FCRL2: variants seen among roughly 807,000 people sequenced by gnomAD.
FCRL2 encodes the protein Fc receptor like 2.
FCRL2 carries 48 observed loss-of-function variants against 59.8 expected under a neutral mutation model. The ratio of observed to expected loss-of-function variants is 0.80; its 90% confidence interval spans 0.64 to 1.02. The LOEUF is 1.02. Ranked by LOEUF, FCRL2 falls within the 50% of genes least tolerant of loss-of-function variation. The probability of loss-of-function intolerance (pLI) is 0.00; values close to 1 mark genes in which losing one functional copy is unlikely to be tolerated. For synonymous variants in FCRL2, 251 were observed against 229.5 expected (o/e 1.09, Z -0.85); for missense variants, 658 against 597.3 (o/e 1.10, Z -1.06).
chr1:157,763,703 G>A (rs1385715414), intron 7 of FCRL2, among the ~76,000 whole-genome samples: 1 of 151,876 alleles, frequency 6.6e-6, no homozygotes, highest in East Asian at 2.0e-4. Context: ...AAAATGAGCA[G>A]TAGCTATACT....
At chr1:157,757,835 G>A (rs919202992) in intron 7 of FCRL2, among the ~76,000 whole-genome samples, 16 of 152,326 alleles carry the variant, frequency 1.1e-4, no homozygotes, top group Admixed American at 3.9e-4. Flanking sequence ...GGTGGCGGAC[G>A]CCTGCAGTCC....
At chr1:157,752,716 T>C (rs1220251503) in intron 7 of FCRL2, among the ~76,000 whole-genome samples, 1 of 152,170 alleles carries the variant, frequency 6.6e-6, no homozygotes, top group Non-Finnish European at 1.5e-5. Flanking sequence ...GGAGTAAACT[T>C]AGCAAGAAAT....
intron 4 of FCRL2, 128 bp downstream of exon 4, chr1:157,769,738 G>C: frequency 8.2e-7 from 1 of 1,226,638 alleles, no homozygotes; most frequent in South Asian, 1.5e-5. Context: ...CAACCTGGAG[G>C]GTTTTTCTAG....
intron 7 of FCRL2, chr1:157,766,521 A>C (rs1429725030): frequency 1.2e-5 from 4 of 322,610 alleles, no homozygotes; most frequent in African/African-American, 8.6e-5. Flanking sequence ...TCCTTACTAC[A>C]TTTTGCTCCG....
At chr1:157,749,723 A>G (rs1365250022) in intron 7 of FCRL2, 46 bp from the exon 8 acceptor site, 2 of 1,527,254 alleles carry the variant, frequency 1.3e-6, no homozygotes, top group African/African-American at 2.7e-5. Flanking sequence ...AGGAAGCTTT[A>G]TCTCTTAAAA....
rs1173379253 is a variant in FCRL2 at position 157,746,274 on chromosome 1, A to C, written c.*462T>G. Reference sequence around the variant, plus strand: ...ATCAGCCTGATACAAACATTCTGGCAGAGACACAGTGGAAAAGAAAATTTC... The same window carrying C: ...ATCAGCCTGATACAAACATTCTGGCCGAGACACAGTGGAAAAGAAAATTTC... On this transcript the variant is annotated 3_prime_UTR_variant, in exon 12 of 12. Coordinates refer to ENST00000361516, the MANE Select transcript of FCRL2 (RefSeq NM_030764.4). 1 of 159,494 alleles carries C rather than the reference A, an allele frequency of 6.3e-6. No homozygotes were observed. The highest frequency in any genetic ancestry group is 1.8e-4 in the East Asian group (1 of 5,582). The allele number at this position is 159,494 out of a possible 1,614,324, so 9.9% of individuals were successfully genotyped here.
At position 157,746,299 on chromosome 1, in the gene FCRL2, C is replaced by T. The variant is rs562955933; in HGVS notation, c.*437G>A. The T allele has an allele frequency of 1.8e-3, 287 of 159,700 alleles. No individual in the cohort carries two copies. The highest frequency in any genetic ancestry group is 3.8e-3 in the South Asian group (20 of 5,264). 9.9% of individuals were successfully genotyped at this position (159,700 alleles called of 1,614,324 possible). ...AGAGACACAGTGGAAAAGAAAATTT[C>T]AGGCCAATATTCCCAATGAACATAT... On this transcript the variant is annotated 3_prime_UTR_variant, in exon 12 of 12. Transcript: ENST00000361516.
chr1:157,749,027 G>A lies in FCRL2; in HGVS notation c.1308-67C>T, dbSNP rs1267687344. On this transcript the variant is annotated intron_variant, in intron 8 of 11. Transcript: ENST00000361516. ...GTGAGTGAGAACAGAGGGGAGACTG[G>A]CTGAGGAGAGAGCAGGTGGAAGCCC... is the stretch of plus-strand genomic sequence containing the variant. The A allele has an allele frequency of 1.7e-5, 24 of 1,384,224 alleles. 1 individual carries two copies. Among genetic ancestry groups the A allele is most frequent in the South Asian group, 9.5e-5 (8 of 84,198 alleles). 85.7% of individuals were successfully genotyped at this position (1,384,224 alleles called of 1,614,324 possible).
rs540726383 is a variant in FCRL2 at position 157,769,674 on chromosome 1, G to A, written c.595+192C>T. 62 of 552,148 alleles carry A rather than the reference G, an allele frequency of 1.1e-4. 1 individual carries two copies. Among genetic ancestry groups the A allele is most frequent in the East Asian group, 2.0e-4 (6 of 30,492 alleles). The allele number at this position is 552,148 out of a possible 1,614,324, so 34.2% of individuals were successfully genotyped here. On this transcript the variant is annotated intron_variant, in intron 4 of 11. Coordinates refer to ENST00000361516, the MANE Select transcript of FCRL2 (RefSeq NM_030764.4). ...TATCTCCTGACCTCATGATCTGCCCGTCTCAGCCTCCCAAAGTGCTGGGAT... is the reference window on the plus strand; with the variant it reads ...TATCTCCTGACCTCATGATCTGCCCATCTCAGCCTCCCAAAGTGCTGGGAT...
rs755659600 is a variant in FCRL2, at chr1:157,770,500, A to C, written c.219T>G (p.Val73=). 24 of 1,614,082 alleles carry C rather than the reference A, an allele frequency of 1.5e-5. No homozygotes were observed. In the South Asian group the frequency reaches 2.6e-4, roughly 18 times the overall value. ...AGAAATAGTTACCACTGTCACTTAA[A>C]ACTGCACTTTGGATAAGGAAATCTG... ...KFSDFLIQSA[V]LSDSGNYFCS... The change falls in exon 3 of 12, where the codon GTT becomes GTG. Residue 73 remains valine (V), a synonymous_variant. Transcript: ENST00000361516.
At position 157,770,486 on chromosome 1, in the gene FCRL2, C is replaced by A. The variant is rs1649917584; in HGVS notation, c.233G>T (p.Gly78Val). Residue 78 changes from glycine (G) to valine (V), a missense_variant, in exon 3 of 12, where the codon GGT becomes GTT. Gly to Val is a moderately radical substitution (Grantham distance 109). Transcript: ENST00000361516. ...TCCTTTGGTACTACAGAAATAGTTA[C>A]CACTGTCACTTAAAACTGCACTTTG... ...LIQSAVLSDS[G>V]NYFCSTKGQL... The A allele has an allele frequency of 8.7e-6, 14 of 1,613,926 alleles. No individual in the cohort carries two copies. The highest frequency in any genetic ancestry group is 1.1e-5 in the South Asian group (1 of 91,080).
intron 8 of FCRL2, 141 bp downstream of exon 8, chr1:157,749,509 G>T: frequency 1.7e-6 from 1 of 581,452 alleles, no homozygotes; most frequent in Non-Finnish European, 3.0e-6. Flanking sequence ...TAATGCAGTA[G>T]AGACAAGAGT....
chr1:157,760,744 AAAGAAAGAAAG>A (rs1649015566), intron 7 of FCRL2, among the ~76,000 whole-genome samples: 1 of 148,918 alleles, frequency 6.7e-6, no homozygotes, highest in African/African-American at 2.5e-5. Flanking sequence ...AGAAAGAAAG[AAAGAAAGAAAG>A]AAGAAAGAAT....
chr1:157,748,206 G>A (rs2101660808), intron 10 of FCRL2, among the ~76,000 whole-genome samples: 1 of 152,104 alleles, frequency 6.6e-6, no homozygotes, highest in East Asian at 1.9e-4. Flanking sequence ...ATCACTTGAG[G>A]TCAAGAGTTT....
chr1:157,775,417 T>A (rs1055266207), intron 2 of FCRL2, among the ~76,000 whole-genome samples: 2 of 152,230 alleles, frequency 1.3e-5, no homozygotes, highest in African/African-American at 4.8e-5. Flanking sequence ...TTTTCAGAGC[T>A]GTAAAAACAT....
chr1:157,754,111 A>G (rs930052139), intron 7 of FCRL2, among the ~76,000 whole-genome samples: 7 of 152,206 alleles, frequency 4.6e-5, no homozygotes, highest in African/African-American at 1.4e-4. Context: ...TCCATCTTGA[A>G]CAGGAGTTGG....
intron 7 of FCRL2, among the ~76,000 whole-genome samples, chr1:157,754,002 A>T (rs1210085132): frequency 6.6e-6 from 1 of 152,094 alleles, no homozygotes; most frequent in Non-Finnish European, 1.5e-5. Context: ...ATCACATAGA[A>T]ATAATGAAAT....
Position 157,757,000 on chromosome 1 carries a change from G to A in FCRL2, c.1280-7323C>T, listed in dbSNP as rs368395480. On this transcript the variant is annotated intron_variant, in intron 7 of 11. Transcript: ENST00000361516. ...TGGAAGTGCAGGTCAAAAACCATGT[G>A]GTACATCCATGCAGTAAAGGTTCCC... 4.6e-5 allele frequency among the ~76,000 whole-genome samples: 7 copies of A among 152,222 alleles called. No individual in the cohort carries two copies. The East Asian group carries it at 1.2e-3, about 25-fold the overall frequency.
chr1:157,762,236 C>A (rs2101714831), intron 7 of FCRL2, among the ~76,000 whole-genome samples: 1 of 152,296 alleles, frequency 6.6e-6, no homozygotes, highest in East Asian at 1.9e-4. Flanking sequence ...ATCTGCAGGT[C>A]TGGAGTCTGA....
Sources: gnomAD v4.1 joint callset for allele counts (sites outside exome capture counted in the v4.1 genomes callset) on GRCh38, gnomAD v4.1.1 for gene constraint, MANE v1.5 for transcripts, NCBI Gene and HGNC (gene_info 2026-07-23, HGNC 2026-07-21) for gene names.